The following PLXNA2 variants were observed in gnomAD, a reference collection of about 807,000 sequenced individuals.
PLXNA2 encodes plexin-A2.
A neutral mutation model predicts 193.5 loss-of-function variants in PLXNA2; 91 were observed. The ratio of observed to expected loss-of-function variants is 0.47; its 90% CI spans 0.40 to 0.56. The LOEUF (loss-of-function observed/expected upper bound fraction) is 0.56, where lower values mean the gene tolerates loss of function less well. Ranked by LOEUF, PLXNA2 falls within the 20% of genes least tolerant of loss-of-function variation. The pLI, the probability that PLXNA2 is intolerant of heterozygous loss-of-function variation, is 0.00. For missense variants in PLXNA2, 1,995 were observed against 2,503.2 expected, an observed-to-expected ratio of 0.80 and a Z score of 4.33; for synonymous variants, 997 against 1,027.3, an observed-to-expected ratio of 0.97 and a Z score of 0.56.
intron 1 of PLXNA2, among the ~76,000 whole-genome samples, chr1:208,224,645 C>T (rs1671457504): frequency 6.6e-6 from 1 of 152,002 alleles, no homozygotes; most frequent in South Asian, 2.1e-4. Flanking sequence ...CATTTTTTCC[C>T]TAGACTCTGT....
chr1:208,159,441 A>G (rs543114040), intron 3 of PLXNA2, among the ~76,000 whole-genome samples: 2 of 152,238 alleles, frequency 1.3e-5, no homozygotes, highest in Non-Finnish European at 2.9e-5. Flanking sequence ...ATGCTAAAGT[A>G]CCAGGCTCCA....
At chr1:208,099,663 C>T (rs991678238) in intron 5 of PLXNA2, among the ~76,000 whole-genome samples, 10 of 152,070 alleles carry the variant, frequency 6.6e-5, no homozygotes, top group African/African-American at 2.2e-4. Context: ...CTCCACCTCC[C>T]GGGTTCAGGC....
In PLXNA2 at chr1:208,029,475, C is replaced by T. The variant is rs997332714; in HGVS notation, c.5226-433G>A. On this transcript the variant is annotated intron_variant, in intron 29 of 31. Transcript: ENST00000367033. Reference sequence around the variant, plus strand: ...GGCAGCCAGGAGCCCCAGGCTCAGCCTCGGAGCAGGCACAAAGGGCGCCAC... The same window carrying T: ...GGCAGCCAGGAGCCCCAGGCTCAGCTTCGGAGCAGGCACAAAGGGCGCCAC... The T allele has an allele frequency of 3.1e-5, 31 of 1,012,930 alleles. No individual in the cohort carries two copies. The Admixed American group carries it at 1.6e-3, about 51-fold the overall frequency. 62.7% of individuals were successfully genotyped at this position (1,012,930 alleles called of 1,614,324 possible).
In PLXNA2 at chr1:208,082,909, C is replaced by T. The variant is rs1158864774; in HGVS notation, c.2299-401G>A. On this transcript the variant is annotated intron_variant, in intron 10 of 31. Transcript: ENST00000367033. The surrounding 1 kb of genome is among the most constrained non-coding windows in gnomAD (Gnocchi z 4.2). ...TACTTTCCCCAGGAGTCCTCTCCCA[C>T]AACCCTGCAGATCTGCCTCAAACTG... Among the ~76,000 whole-genome samples, 2 of 152,190 alleles carry T rather than the reference C, an allele frequency of 1.3e-5. No homozygotes were observed. Among genetic ancestry groups the T allele is most frequent in the Non-Finnish European group, 2.9e-5 (2 of 68,030 alleles).
chr1:208,068,094 T>C (rs1306611565), intron 12 of PLXNA2, among the ~76,000 whole-genome samples: 4 of 152,246 alleles, frequency 2.6e-5, no homozygotes, highest in African/African-American at 9.6e-5. Flanking sequence ...TTGTAACTGC[T>C]TATTCCCTCA....
At chr1:208,243,103 C>T (rs1321224068) in intron 1 of PLXNA2, among the ~76,000 whole-genome samples, 1 of 152,174 alleles carries the variant, frequency 6.6e-6, no homozygotes, top group Non-Finnish European at 1.5e-5. Flanking sequence ...CTTATGGAAC[C>T]CGCGCAAATG....
chr1:208,104,197 A>G (rs1443711906), intron 4 of PLXNA2, among the ~76,000 whole-genome samples: 2 of 152,242 alleles, frequency 1.3e-5, no homozygotes, highest in South Asian at 2.1e-4. Flanking sequence ...AAGTAAAAAC[A>G]TAACCTGTGG....
In PLXNA2 at chr1:208,045,179, C is replaced by T. The variant is rs376159010; in HGVS notation, c.3527G>A (p.Gly1176Glu). 4.3e-6 allele frequency: 7 copies of T among 1,613,966 alleles called. No homozygotes were observed. The highest frequency in any genetic ancestry group is 1.3e-5 in the African/African-American group (1 of 74,886). ...GKNLCPPASG[G>E]AKLNYTVLIG... is the part of the protein sequence containing the mutation. ...GAGCACAGTGTAGTTGAGTTTGGCC[C>T]CTCCAGAGGCAGGAGGGCAGAGGTT... is the stretch of plus-strand genomic sequence containing the variant. Residue 1176 changes from glycine to glutamate, a missense_variant, in exon 19 of 32, where the codon GGG becomes GAG. Gly to Glu is a moderately conservative substitution (Grantham distance 98). This residue lies in a region of PLXNA2 where 1,291 missense variants were observed against 1,673.6 expected (regional missense o/e 0.77). Transcript: ENST00000367033.
rs1672153301 is a variant in PLXNA2, at chr1:208,244,085, A to G, written c.-523T>C. The G allele has an allele frequency of 6.5e-6, 1 of 152,874 alleles. No individual in the cohort carries two copies. The highest frequency in any genetic ancestry group is 2.4e-5 in the African/African-American group (1 of 41,418). 9.5% of individuals were successfully genotyped at this position (152,874 alleles called of 1,614,324 possible). On this transcript the variant is annotated 5_prime_UTR_variant, in exon 1 of 32. An upstream open reading frame in the 5' UTR loses its in-frame stop. Transcript: ENST00000367033. ...TCCCTTCTTGCTCTCCGGTTCGTTC[A>G]CAGTCCCATTTCCTCCGGGAGCCTG...
At chr1:208,042,444 C>T in intron 21 of PLXNA2, 78 bp from the exon 22 acceptor site, 1 of 1,506,120 alleles carries the variant, frequency 6.6e-7, no homozygotes. Flanking sequence ...CACTGAGGGC[C>T]TGCTGGCGAT....
At chr1:208,195,442 A>T (rs887838984) in intron 3 of PLXNA2, among the ~76,000 whole-genome samples, 1 of 152,090 alleles carries the variant, frequency 6.6e-6, no homozygotes, top group Non-Finnish European at 1.5e-5. Context: ...TGCTTGTACA[A>T]GACTCCACCA....
chr1:208,045,346 G>A, intron 18 of PLXNA2, 136 bp from the exon 19 acceptor site: 1 of 763,364 alleles, frequency 1.3e-6, no homozygotes, highest in Non-Finnish European at 2.2e-6. Context: ...GCAAGTTTTT[G>A]TGGAGGGGAC....
At chr1:208,139,810 G>A (rs1273263521) in intron 4 of PLXNA2, among the ~76,000 whole-genome samples, 1 of 152,134 alleles carries the variant, frequency 6.6e-6, no homozygotes, top group Non-Finnish European at 1.5e-5. Context: ...ACTCACAGCC[G>A]GCCTCAGACA....
intron 12 of PLXNA2, among the ~76,000 whole-genome samples, chr1:208,069,419 C>A (rs1164535911): frequency 1.3e-5 from 2 of 152,250 alleles, no homozygotes. Flanking sequence ...TGGAAAGCAG[C>A]CGCGGTGATG....
intron 3 of PLXNA2, among the ~76,000 whole-genome samples, chr1:208,143,789 T>G (rs1255136511): frequency 6.6e-6 from 1 of 152,196 alleles, no homozygotes; most frequent in Non-Finnish European, 1.5e-5. Context: ...ATTGTATATA[T>G]ACTAGCTAAC....
chr1:208,137,377 T>C (rs1668335055), intron 4 of PLXNA2, among the ~76,000 whole-genome samples: 1 of 152,256 alleles, frequency 6.6e-6, no homozygotes, highest in African/African-American at 2.4e-5. Flanking sequence ...AGATTTATAC[T>C]CCTTTTCTAG....
In PLXNA2 at chr1:208,052,409, T is replaced by G; in HGVS notation, c.2911A>C (p.Met971Leu). The G allele has an allele frequency of 6.2e-7, 1 of 1,614,120 alleles. No homozygotes were observed. The highest frequency in any genetic ancestry group is 8.5e-7 in the Non-Finnish European group (1 of 1,179,966). The change falls in exon 15 of 32, where the codon ATG (methionine) becomes CTG (leucine). Residue 971 changes from methionine (M) to leucine (L), a missense_variant. By Grantham distance (15) the Met-to-Leu change is conservative. Around this residue, in one of 3 missense-constraint regions of PLXNA2, gnomAD observed 1,291 missense variants for 1,673.6 expected, o/e 0.77. Transcript: ENST00000367033. ...PIRGPESGGTMVTITGHYLGA... is the reference protein window; with the variant it reads ...PIRGPESGGTLVTITGHYLGA... Reference sequence around the variant, plus strand: ...AGGTAATGGCCGGTAATGGTCACCATAGTGCCTCCTGACTCGGGACCTCGG... The same window carrying G: ...AGGTAATGGCCGGTAATGGTCACCAGAGTGCCTCCTGACTCGGGACCTCGG...
At chr1:208,031,807 T>G (rs1571840946) in intron 28 of PLXNA2, 48 bp from the exon 29 acceptor site, 1 of 1,437,592 alleles carries the variant, frequency 7.0e-7, no homozygotes, top group Non-Finnish European at 9.5e-7. Flanking sequence ...TGACGGCAGG[T>G]AGCAGACAGG....
intron 3 of PLXNA2, among the ~76,000 whole-genome samples, chr1:208,144,299 G>T (rs1377919807): frequency 6.6e-6 from 1 of 152,164 alleles, no homozygotes; most frequent in East Asian, 1.9e-4. Flanking sequence ...AGTGGGGAAG[G>T]TCAACAGCAC....
Sources: gnomAD v4.1 joint callset for allele counts (sites outside exome capture counted in the v4.1 genomes callset) on GRCh38, gnomAD v4.1.1 for gene constraint, gnomAD v4.1.1 regional missense constraint, Gnocchi (gnomAD v3.1) non-coding constraint, MANE v1.5 for transcripts, NCBI Gene and HGNC (gene_info 2026-07-23, HGNC 2026-07-21) for gene names.